Variants in PACC1 observed in about 807,000 individuals in gnomAD.
The protein encoded by PACC1 is proton-activated chloride channel.
Under a neutral mutation model 39.7 loss-of-function variants are expected in PACC1, and 34 were observed. That is an observed-to-expected ratio of 0.86 (90% CI 0.65 to 1.14). The LOEUF (loss-of-function observed/expected upper bound fraction) is 1.14. Among genes scored for constraint, PACC1 ranks in the 50% most tolerant of loss-of-function variants. PACC1 has a pLI of 0.00. For missense variants in PACC1, 379 were observed against 436.4 expected (o/e 0.87, Z 1.17); for synonymous variants, 127 against 160.6 (o/e 0.79, Z 1.58).
Position 212,405,554 on chromosome 1 carries a change from G to A in PACC1, c.133+4871C>T, listed in dbSNP as rs539342222. ...GTCTCTATATGCCTGAGTTCCTGGA[G>A]GAACTTACTCACCCTCTTTGTGGTG... On this transcript the variant is annotated intron_variant, in intron 2 of 7. Coordinates refer to ENST00000261455, the MANE Select transcript of PACC1 (RefSeq NM_018252.3). Among the ~76,000 whole-genome samples, 12 of 152,238 alleles carry A rather than the reference G, an allele frequency of 7.9e-5. No individual in the cohort carries two copies. The South Asian group carries it at 8.3e-4, about 11-fold the overall frequency.
intron 4 of PACC1, among the ~76,000 whole-genome samples, chr1:212,381,921 CAG>C (rs112843709): frequency 2.8e-4 from 43 of 152,298 alleles, no homozygotes; most frequent in African/African-American, 9.4e-4. Context: ...GGACTGTTCT[CAG>C]AGAGAGAAGG....
At chr1:212,408,447 G>A (rs1662004624) in intron 2 of PACC1, among the ~76,000 whole-genome samples, 2 of 151,474 alleles carry the variant, frequency 1.3e-5, no homozygotes, top group African/African-American at 4.9e-5. Flanking sequence ...TGTAACCTCC[G>A]CCTCCTGGGT....
intron 7 of PACC1, among the ~76,000 whole-genome samples, chr1:212,371,303 TAAAC>T (rs1198090677): frequency 6.9e-6 from 1 of 144,364 alleles, no homozygotes; most frequent in Non-Finnish European, 1.5e-5. Context: ...AAATCTAAGT[TAAAC>T]AAAATCTATC....
chr1:212,373,926 A>G (rs780080899), intron 7 of PACC1, among the ~76,000 whole-genome samples: 5 of 152,148 alleles, frequency 3.3e-5, no homozygotes, highest in Non-Finnish European at 7.4e-5. Flanking sequence ...AATTTACATT[A>G]TTAAACTCAC....
At chr1:212,391,307 C>T (rs935773298) in intron 2 of PACC1, among the ~76,000 whole-genome samples, 18 of 152,186 alleles carry the variant, frequency 1.2e-4, no homozygotes, top group African/African-American at 3.6e-4. Context: ...CTGCAGCCTC[C>T]GCTGCTGATA....
intron 2 of PACC1, among the ~76,000 whole-genome samples, chr1:212,395,381 C>T (rs1340624944): frequency 6.6e-6 from 1 of 152,128 alleles, no homozygotes. Flanking sequence ...ACTGGCTAGC[C>T]ATATGTAGAA....
chr1:212,387,204 G>T, intron 2 of PACC1, 104 bp from the exon 3 acceptor site: 2 of 1,136,852 alleles, frequency 1.8e-6, no homozygotes, highest in Non-Finnish European at 2.5e-6. Flanking sequence ...AGGAGGTGAA[G>T]TCACCTGCAC....
chr1:212,378,286 C>T (rs750723460), intron 5 of PACC1, among the ~76,000 whole-genome samples: 7 of 152,170 alleles, frequency 4.6e-5, no homozygotes, highest in East Asian at 1.9e-4. Flanking sequence ...AGGAAGCTCA[C>T]GAAAGGAGCG....
chr1:212,378,730 A>G (rs1278570223), intron 5 of PACC1, among the ~76,000 whole-genome samples: 1 of 152,180 alleles, frequency 6.6e-6, no homozygotes, highest in Non-Finnish European at 1.5e-5. Flanking sequence ...GGCAGAGCTT[A>G]TATCCTCATA....
chr1:212,387,562 T>G (rs1220505467), intron 2 of PACC1: 1 of 162,936 alleles, frequency 6.1e-6, no homozygotes. Context: ...ACTCATCGAC[T>G]TTCTGTTCTT....
intron 1 of PACC1, 107 bp downstream of exon 1, chr1:212,414,615 A>C: frequency 1.5e-6 from 2 of 1,375,008 alleles, no homozygotes; most frequent in Non-Finnish European, 2.0e-6. Flanking sequence ...CCCTCGGAAG[A>C]GCCCTCTGCC....
intron 2 of PACC1, among the ~76,000 whole-genome samples, chr1:212,390,683 C>G (rs912035714): frequency 6.6e-6 from 1 of 152,170 alleles, no homozygotes; most frequent in African/African-American, 2.4e-5. Flanking sequence ...AGGGAATTCC[C>G]TTTCATAGCC....
At chr1:212,394,830 T>C (rs1412583018) in intron 2 of PACC1, among the ~76,000 whole-genome samples, 4 of 152,296 alleles carry the variant, frequency 2.6e-5, no homozygotes, top group Middle Eastern at 3.4e-3. Flanking sequence ...TGAACTCCCA[T>C]TCACAATAGC....
At chr1:212,377,842 G>T in intron 5 of PACC1, 136 bp from the exon 6 acceptor site, 1 of 985,690 alleles carries the variant, frequency 1.0e-6, no homozygotes, top group Non-Finnish European at 1.5e-6. Flanking sequence ...TCCAAATTGT[G>T]ATTGCCTCAA....
intron 2 of PACC1, among the ~76,000 whole-genome samples, chr1:212,402,356 C>T (rs554585365): frequency 1.1e-4 from 17 of 152,276 alleles, no homozygotes; most frequent in African/African-American, 4.1e-4. Context: ...TATAACCATC[C>T]TAGTGGGTGT....
At chr1:212,397,224 G>C (rs954002757) in intron 2 of PACC1, among the ~76,000 whole-genome samples, 11 of 152,054 alleles carry the variant, frequency 7.2e-5, no homozygotes, top group Admixed American at 2.6e-4. Flanking sequence ...CAACAATATG[G>C]TAAGGTTTAT....
chr1:212,395,843 T>C (rs964280000), intron 2 of PACC1, among the ~76,000 whole-genome samples: 1 of 152,088 alleles, frequency 6.6e-6, no homozygotes, highest in Admixed American at 6.5e-5. Context: ...AAAATGCTCA[T>C]CATCACTGGC....
chr1:212,384,855 C>T (rs1203025001), intron 4 of PACC1, among the ~76,000 whole-genome samples: 1 of 152,236 alleles, frequency 6.6e-6, no homozygotes, highest in Non-Finnish European at 1.5e-5. Context: ...TATGGATTCT[C>T]AGGCCCCACC....
At chr1:212,367,469 G>A (rs1374496344) in intron 7 of PACC1, among the ~76,000 whole-genome samples, 1 of 152,134 alleles carries the variant, frequency 6.6e-6, no homozygotes, top group Non-Finnish European at 1.5e-5. Flanking sequence ...AAGAGTATTA[G>A]GCCCACCCCA....
Sources: allele counts gnomAD v4.1 joint callset (sites outside exome capture counted in the v4.1 genomes callset), GRCh38; gene constraint gnomAD v4.1.1; transcripts MANE v1.5; gene names NCBI Gene and HGNC (gene_info 2026-07-23, HGNC 2026-07-21).